VPS8: variants seen among roughly 807,000 people sequenced by gnomAD.
VPS8 encodes vacuolar protein sorting-associated protein 8 homolog.
In VPS8, 129 loss-of-function variants were observed where a neutral mutation model predicts 216.4. The ratio of observed to expected loss-of-function variants is 0.60; its 90% CI spans 0.52 to 0.69. VPS8 has a LOEUF of 0.69. Among genes scored for constraint, VPS8 ranks in the 30% least tolerant of loss-of-function variants. The probability of loss-of-function intolerance (pLI) is 0.00; values close to 1 mark genes in which losing one functional copy is unlikely to be tolerated. For synonymous variants in VPS8, 571 were observed against 565.4 expected (o/e 1.01, Z -0.14); for missense variants, 1,531 against 1,683.5 (o/e 0.91, Z 1.59).
chr3:184,967,421 C>T (rs968041454), intron 39 of VPS8, among the ~76,000 whole-genome samples: 1 of 152,032 alleles, frequency 6.6e-6, no homozygotes, highest in Non-Finnish European at 1.5e-5. Context: ...GTTTCCAAAC[C>T]GAATTTATAC....
intron 8 of VPS8, among the ~76,000 whole-genome samples, chr3:184,843,952 G>A (rs926121375): frequency 4.6e-5 from 7 of 152,176 alleles, no homozygotes; most frequent in African/African-American, 1.4e-4. Flanking sequence ...TGGGGATTCA[G>A]TATGCCCTGG....
chr3:184,998,598 G>T (rs1214697386), intron 44 of VPS8, among the ~76,000 whole-genome samples: 1 of 150,520 alleles, frequency 6.6e-6, no homozygotes, highest in Admixed American at 6.6e-5. Context: ...CTATAGAAAA[G>T]AAAAGGTTTG....
intron 19 of VPS8, among the ~76,000 whole-genome samples, chr3:184,869,244 TA>T (rs1311403530): frequency 2.6e-5 from 4 of 152,220 alleles, no homozygotes; most frequent in Admixed American, 6.5e-5. Context: ...ATGTCGCTTT[TA>T]AAATTATTTT....
At chr3:184,875,055 ACT>A (rs1728999752) in intron 21 of VPS8, among the ~76,000 whole-genome samples, 1 of 136,166 alleles carries the variant, frequency 7.3e-6, no homozygotes, top group Non-Finnish European at 1.6e-5. Context: ...TGTTTTTAAA[ACT>A]TTTTTTTTTT....
chr3:184,902,978 T>G lies in VPS8; in HGVS notation c.2146+2006T>G, dbSNP rs139615790. Among the ~76,000 whole-genome samples, 8 of 152,348 alleles carry G rather than the reference T, an allele frequency of 5.3e-5. No individual in the cohort carries two copies. In the East Asian group the frequency reaches 1.5e-3, roughly 29 times the overall value. On this transcript the variant is annotated intron_variant, in intron 25 of 47. Coordinates refer to ENST00000625842, the MANE Select transcript of VPS8 (RefSeq NM_001009921.3). ...TTTTTATAAATGATGTAAGGTAAAG[T>G]TCAAGGATTTTTTTCCATACAGCTA... is the stretch of plus-strand genomic sequence containing the variant.
intron 22 of VPS8, among the ~76,000 whole-genome samples, chr3:184,889,545 C>T (rs1014634238): frequency 2.0e-5 from 3 of 151,972 alleles, no homozygotes; most frequent in South Asian, 2.1e-4. Context: ...TTTCTAACAC[C>T]GAAGACTAGA....
intron 30 of VPS8, among the ~76,000 whole-genome samples, chr3:184,926,203 G>A (rs185394715): frequency 0.011 from 1,647 of 151,416 alleles, 12 homozygotes; most frequent in Non-Finnish European, 0.018. Flanking sequence ...GTGGAACCCC[G>A]TCTCTACTAA....
intron 28 of VPS8, among the ~76,000 whole-genome samples, 186 bp downstream of exon 28, chr3:184,915,660 T>G (rs920956389): frequency 6.6e-6 from 1 of 152,056 alleles, no homozygotes; most frequent in Non-Finnish European, 1.5e-5. Flanking sequence ...AATACAAAAC[T>G]TAGCCAGGCA....
chr3:185,042,718 C>T (rs1341483402), intron 46 of VPS8, among the ~76,000 whole-genome samples: 1 of 152,184 alleles, frequency 6.6e-6, no homozygotes. Flanking sequence ...GGAAGCCTCT[C>T]ATGAATTTGA....
chr3:185,006,211 T>G (rs764354422), intron 45 of VPS8, among the ~76,000 whole-genome samples: 7 of 152,262 alleles, frequency 4.6e-5, no homozygotes, highest in African/African-American at 7.2e-5. Context: ...CATAAGATAT[T>G]GTAAAAAGAT....
chr3:184,902,682 T>C (rs1432334506), intron 25 of VPS8, among the ~76,000 whole-genome samples: 1 of 151,208 alleles, frequency 6.6e-6, no homozygotes, highest in East Asian at 2.0e-4. Context: ...ATACAAAAAT[T>C]AGCCGGGCGT....
intron 1 of VPS8, 35 bp from the exon 2 acceptor site, chr3:184,824,505 GTGTTT>G (rs373604484): frequency 1.1e-6 from 1 of 947,760 alleles, no homozygotes. Context: ...CTAAATGATA[GTGTTT>G]TGTTTTGTTT....
intron 25 of VPS8, among the ~76,000 whole-genome samples, chr3:184,908,753 A>G (rs1735945709): frequency 6.6e-6 from 1 of 152,134 alleles, no homozygotes; most frequent in Non-Finnish European, 1.5e-5. Context: ...CAAGGTAGGG[A>G]GTTTTATTGA....
chr3:184,998,479 TTATATATATATATATATATATATA>T (rs10530534), intron 44 of VPS8, among the ~76,000 whole-genome samples: 46 of 135,012 alleles, frequency 3.4e-4, no homozygotes, highest in African/African-American at 9.1e-4. Context: ...AAGAGGAAGT[TTATATATATATATATATATATATA>T]TATATATATA....
chr3:184,953,435 G>A (rs1186695943), intron 36 of VPS8, among the ~76,000 whole-genome samples: 1 of 152,178 alleles, frequency 6.6e-6, no homozygotes, highest in Non-Finnish European at 1.5e-5. Context: ...AGGAAGCAAG[G>A]CTTTGCCTGA....
At chr3:184,969,817 G>A (rs1348058734) in intron 39 of VPS8, among the ~76,000 whole-genome samples, 1 of 150,990 alleles carries the variant, frequency 6.6e-6, no homozygotes, top group Non-Finnish European at 1.5e-5. Flanking sequence ...TTTGCAGGTG[G>A]TATGTTTGCA....
At chr3:184,816,565 A>C (rs1716367008) in intron 1 of VPS8, among the ~76,000 whole-genome samples, 1 of 152,228 alleles carries the variant, frequency 6.6e-6, no homozygotes, top group Non-Finnish European at 1.5e-5. Context: ...TCCAGGGTCA[A>C]GTAAAGCAGC....
At chr3:184,987,720 T>G (rs1751327673) in intron 42 of VPS8, among the ~76,000 whole-genome samples, 1 of 152,216 alleles carries the variant, frequency 6.6e-6, no homozygotes, top group Non-Finnish European at 1.5e-5. Context: ...TGTGTGGACT[T>G]AAGTTTTAGA....
intron 44 of VPS8, among the ~76,000 whole-genome samples, chr3:184,998,457 A>T: frequency 7.2e-6 from 1 of 139,404 alleles, no homozygotes; most frequent in Middle Eastern, 3.4e-3. Flanking sequence ...TAGCTACAAC[A>T]ACAGAGTATA....
Sources: gnomAD v4.1 joint callset for allele counts (sites outside exome capture counted in the v4.1 genomes callset) on GRCh38, gnomAD v4.1.1 for gene constraint, MANE v1.5 for transcripts, NCBI Gene and HGNC (gene_info 2026-07-23, HGNC 2026-07-21) for gene names.